Variants in CPT1A observed in about 807,000 individuals in gnomAD.
CPT1A encodes the protein carnitine palmitoyltransferase 1A, also known as carnitine O-palmitoyltransferase 1, liver isoform.
Under a neutral mutation model 100.8 loss-of-function variants are expected in CPT1A, and 64 were observed. The ratio of observed to expected loss-of-function variants is 0.63; its 90% CI spans 0.52 to 0.78. CPT1A has a LOEUF of 0.78. Among genes scored for constraint, CPT1A ranks in the 30% least tolerant of loss-of-function variants. CPT1A has a pLI of 0.00. For missense variants in CPT1A, 802 were observed against 1,034.1 expected (o/e 0.78, Z 3.08); for synonymous variants, 363 against 396.0 (o/e 0.92, Z 0.99).
chr11:68,815,624 A>T (rs1856364523), intron 1 of CPT1A, 137 bp from the exon 2 acceptor site: 1 of 839,862 alleles, frequency 1.2e-6, no homozygotes. Context: ...TCATCAACAG[A>T]CCAATTCCAT....
In CPT1A at chr11:68,793,305, C is replaced by A; in HGVS notation, c.967+10G>T. ...GATTCTCCAGGGGGCCCTGAAGAAG[C>A]TTGACTCACCTGTCTCCTCTCCTGG... On this transcript the variant is annotated intron_variant, in intron 9 of 18. Transcript: ENST00000265641. 6.2e-7 allele frequency: 1 copy of A among 1,604,660 alleles called. No homozygotes were observed. Among genetic ancestry groups the A allele is most frequent in the South Asian group, 1.1e-5 (1 of 90,164 alleles).
chr11:68,765,165 C>T (rs1854757848), intron 14 of CPT1A, among the ~76,000 whole-genome samples: 2 of 152,290 alleles, frequency 1.3e-5, no homozygotes, highest in South Asian at 4.1e-4. Flanking sequence ...GGGAGAGAAG[C>T]AGATAAAAGG....
chr11:68,757,706 G>A lies in CPT1A; in HGVS notation c.2260C>T (p.Leu754=), dbSNP rs144781827. The change falls in exon 19 of 19, where the codon CTG becomes TTG. Residue 754 remains leucine, a synonymous_variant. Transcript: ENST00000265641. ...ATGATGTCAGTCATTGCTTCTTTCAGGTGCCTTCCAAAGCGATGAGAATCC... is the reference window on the plus strand; with the variant it reads ...ATGATGTCAGTCATTGCTTCTTTCAAGTGCCTTCCAAAGCGATGAGAATCC... ...ETDSHRFGRH[L]KEAMTDIITL... The A allele has an allele frequency of 8.9e-4, 1,437 of 1,614,044 alleles. No individual in the cohort carries two copies. Among genetic ancestry groups the A allele is most frequent in the Non-Finnish European group, 1.2e-3 (1,370 of 1,180,020 alleles).
intron 1 of CPT1A, among the ~76,000 whole-genome samples, chr11:68,831,204 T>A (rs1594377704): frequency 6.6e-6 from 1 of 152,178 alleles, no homozygotes; most frequent in East Asian, 1.9e-4. Flanking sequence ...CTATGAATCC[T>A]AACACTGGCC....
At chr11:68,838,587 A>AAAAAAAAAC (rs1394327209) in intron 1 of CPT1A, among the ~76,000 whole-genome samples, 2 of 144,494 alleles carry the variant, frequency 1.4e-5, no homozygotes, top group Non-Finnish European at 3.0e-5. Context: ...AAAAAAAAAA[A>AAAAAAAAAC]AAAACAGAGA....
At chr11:68,771,598 C>T (rs535268768) in intron 14 of CPT1A, among the ~76,000 whole-genome samples, 19 of 152,328 alleles carry the variant, frequency 1.2e-4, no homozygotes, top group Non-Finnish European at 2.1e-4. Flanking sequence ...TTCTGGTTTA[C>T]GCATAGTGAG....
At chr11:68,826,558 C>G (rs1172112583) in intron 1 of CPT1A, among the ~76,000 whole-genome samples, 2 of 151,334 alleles carry the variant, frequency 1.3e-5, no homozygotes, top group African/African-American at 2.4e-5. Context: ...CACGGTGAAA[C>G]CCCATCTCTA....
At chr11:68,828,760 C>T (rs141941229) in intron 1 of CPT1A, among the ~76,000 whole-genome samples, 1 of 152,308 alleles carries the variant, frequency 6.6e-6, no homozygotes, top group African/African-American at 2.4e-5. Flanking sequence ...CCTCCTCTGG[C>T]TGGTGGGGGC....
At chr11:68,804,200 T>C (rs956844725) in intron 4 of CPT1A, 99 bp from the exon 5 acceptor site, 8 of 878,146 alleles carry the variant, frequency 9.1e-6, no homozygotes, top group African/African-American at 8.2e-5. Context: ...CAGTCCTGGT[T>C]AGTACTTGGA....
Position 68,778,657 on chromosome 11 carries a change from C to T in CPT1A, c.1458+1983G>A, listed in dbSNP as rs1353458057. Reference sequence around the variant, plus strand: ...GTGGCAGTGAGCTGAAATCGCACCACTGCACACCAGCCTGGGTGACAGAAC... The same window carrying T: ...GTGGCAGTGAGCTGAAATCGCACCATTGCACACCAGCCTGGGTGACAGAAC... On this transcript the variant is annotated intron_variant, in intron 12 of 18. Coordinates refer to ENST00000265641, the MANE Select transcript of CPT1A (RefSeq NM_001876.4). 1.1e-4 allele frequency among the ~76,000 whole-genome samples: 17 copies of T among 151,600 alleles called. 1 individual carries two copies. The highest frequency in any genetic ancestry group is 2.9e-5 in the Non-Finnish European group (2 of 67,968).
chr11:68,807,400 AG>A, intron 4 of CPT1A, 66 bp downstream of exon 4: 1 of 1,504,080 alleles, frequency 6.6e-7, no homozygotes, highest in East Asian at 2.4e-5. Flanking sequence ...GTCCTTCCGC[AG>A]GGGTGTCCTT....
At chr11:68,777,940 T>C (rs1855184621) in intron 12 of CPT1A, among the ~76,000 whole-genome samples, 1 of 152,178 alleles carries the variant, frequency 6.6e-6, no homozygotes, top group Non-Finnish European at 1.5e-5. Flanking sequence ...TTCAATGCGC[T>C]CTGTAGCTAA....
At chr11:68,786,140 T>G in intron 9 of CPT1A, 1 of 690,918 alleles carries the variant, frequency 1.4e-6, no homozygotes, top group Non-Finnish European at 2.6e-6. Context: ...GGAGGGAGGA[T>G]TGCTTGAGCC....
intron 10 of CPT1A, among the ~76,000 whole-genome samples, chr11:68,782,815 G>A (rs529393311): frequency 7.9e-4 from 121 of 152,302 alleles, no homozygotes; most frequent in Middle Eastern, 3.4e-3. Flanking sequence ...AGTGCACCCC[G>A]CTCGGGGAAC....
chr11:68,769,041 C>T (rs928922157), intron 14 of CPT1A, among the ~76,000 whole-genome samples: 6 of 152,126 alleles, frequency 3.9e-5, no homozygotes, highest in African/African-American at 1.4e-4. Flanking sequence ...CGTATTTTTC[C>T]TCTCTTGTGA....
intron 2 of CPT1A, among the ~76,000 whole-genome samples, chr11:68,814,563 C>T (rs1856329388): frequency 6.6e-6 from 1 of 152,214 alleles, no homozygotes; most frequent in East Asian, 1.9e-4. Flanking sequence ...CCGCCTCGGC[C>T]TCCCAAAGTG....
chr11:68,780,799 G>A lies in CPT1A; in HGVS notation c.1353-54C>T. 54 of 1,320,718 alleles carry A rather than the reference G, an allele frequency of 4.1e-5. No individual in the cohort carries two copies. The South Asian group carries it at 6.4e-4, about 16-fold the overall frequency. 81.8% of individuals were successfully genotyped at this position (1,320,718 alleles called of 1,614,324 possible). On this transcript the variant is annotated intron_variant, in intron 11 of 18. Coordinates refer to ENST00000265641, the MANE Select transcript of CPT1A (RefSeq NM_001876.4). ...AAGTGTTTAAAGAGGCAACAATGAG[G>A]AGACATTGCACCTCTCTGCTTCATC...
At chr11:68,758,211 T>G (rs1211739430) in intron 18 of CPT1A, among the ~76,000 whole-genome samples, 1 of 151,286 alleles carries the variant, frequency 6.6e-6, no homozygotes, top group African/African-American at 2.4e-5. Flanking sequence ...GAAGCTGCAG[T>G]GAGCCGAGAT....
intron 14 of CPT1A, among the ~76,000 whole-genome samples, chr11:68,768,773 G>A (rs1009180384): frequency 1.3e-5 from 2 of 152,172 alleles, no homozygotes; most frequent in East Asian, 1.9e-4. Flanking sequence ...CTTTTTCATG[G>A]ATCATGTGCA....
Sources: gnomAD v4.1 joint callset for allele counts (sites outside exome capture counted in the v4.1 genomes callset) on GRCh38, gnomAD v4.1.1 for gene constraint, MANE v1.5 for transcripts, NCBI Gene and HGNC (gene_info 2026-07-23, HGNC 2026-07-21) for gene names.